The following CALN1 variants were observed in gnomAD, a reference collection of about 807,000 sequenced individuals.
CALN1 encodes calcium-binding protein 8.
A neutral mutation model predicts 30.6 loss-of-function variants in CALN1; 17 were observed. The observed-to-expected ratio is 0.56, with a 90% CI of 0.38 to 0.83. The LOEUF is 0.83. Among genes scored for constraint, CALN1 ranks in the 40% least tolerant of loss-of-function variants. CALN1 has a pLI of 0.00. For synonymous variants in CALN1, 156 were observed against 131.4 expected, an observed-to-expected ratio of 1.19 and a Z score of -1.28; for missense variants, 291 against 354.9, an observed-to-expected ratio of 0.82 and a Z score of 1.45.
intron 5 of CALN1, among the ~76,000 whole-genome samples, chr7:71,994,424 A>G (rs1331825286): frequency 6.6e-6 from 1 of 150,906 alleles, no homozygotes; most frequent in Non-Finnish European, 1.5e-5. Flanking sequence ...AGGCAGGAGA[A>G]TCATTTGAAC....
chr7:71,950,940 C>T (rs1307160564), intron 5 of CALN1, among the ~76,000 whole-genome samples: 2 of 152,220 alleles, frequency 1.3e-5, no homozygotes, highest in Non-Finnish European at 2.9e-5. Context: ...CTAGCCATTT[C>T]ACCCTCTCTG....
At chr7:72,337,624 A>C (rs1802157709) in intron 2 of CALN1, 1 of 152,832 alleles carries the variant, frequency 6.5e-6, no homozygotes. Flanking sequence ...CCAGGTGCCC[A>C]CACCCTAGAT....
At chr7:71,880,128 T>C (rs1287379947) in intron 5 of CALN1, among the ~76,000 whole-genome samples, 1 of 152,112 alleles carries the variant, frequency 6.6e-6, no homozygotes, top group Non-Finnish European at 1.5e-5. Flanking sequence ...TGGAGCAGGA[T>C]ACTGTCTCAA....
At chr7:72,468,316 G>T in the CALN1 span, among the ~76,000 whole-genome samples, 464 of 151,938 alleles carry the variant, frequency 3.1e-3, 1 homozygote, top group African/African-American at 0.011. Flanking sequence ...GCTTTTTTTT[G>T]TTTTGTTTTG....
intron 4 of CALN1, among the ~76,000 whole-genome samples, chr7:72,052,319 A>G (rs1389838062): frequency 6.6e-6 from 1 of 152,092 alleles, no homozygotes; most frequent in African/African-American, 2.4e-5. Flanking sequence ...TCGCCTCCGG[A>G]GTGGACACCG....
At chr7:72,386,975 A>G (rs919724891) in intron 2 of CALN1, among the ~76,000 whole-genome samples, 2 of 151,672 alleles carry the variant, frequency 1.3e-5, no homozygotes, top group Admixed American at 6.6e-5. Flanking sequence ...GGACCTAGAA[A>G]TAACAATGCC....
intron 3 of CALN1, among the ~76,000 whole-genome samples, chr7:72,209,402 TTCCTTCCC>T (rs1427281504): frequency 1.9e-5 from 1 of 51,666 alleles, no homozygotes; most frequent in African/African-American, 1.2e-4. Context: ...CCTTCCCTCT[TTCCTTCCC>T]TCCTTCCCTC....
At chr7:71,809,854 G>A (rs1050925314) in intron 6 of CALN1, among the ~76,000 whole-genome samples, 6 of 150,572 alleles carry the variant, frequency 4.0e-5, no homozygotes, top group African/African-American at 1.2e-4. Context: ...CAGTGCATTT[G>A]GGAACATAGA....
At chr7:72,485,240 G>C in the CALN1 span, among the ~76,000 whole-genome samples, 1 of 152,098 alleles carries the variant, frequency 6.6e-6, no homozygotes, top group South Asian at 2.1e-4. Flanking sequence ...GGGCAACAGA[G>C]CAAGACTCTT....
chr7:72,064,295 A>T (rs1803871869), intron 4 of CALN1, among the ~76,000 whole-genome samples: 1 of 142,994 alleles, frequency 7.0e-6, no homozygotes, highest in Non-Finnish European at 1.5e-5. Flanking sequence ...AAAAAAAAAA[A>T]TAATTAATTA....
chr7:72,241,876 C>T (rs918779472), intron 3 of CALN1, among the ~76,000 whole-genome samples: 1 of 151,680 alleles, frequency 6.6e-6, no homozygotes, highest in African/African-American at 2.4e-5. Flanking sequence ...TAAAATCCCT[C>T]TCTCTCTCTT....
intron 4 of CALN1, among the ~76,000 whole-genome samples, chr7:72,096,529 G>A (rs943424675): frequency 9.3e-5 from 14 of 149,914 alleles, no homozygotes; most frequent in Admixed American, 2.0e-4. Context: ...GCTCATGGCC[G>A]GGCATGATGG....
chr7:71,804,254 A>C (rs550980371), intron 6 of CALN1, among the ~76,000 whole-genome samples: 72 of 152,294 alleles, frequency 4.7e-4, no homozygotes, highest in Non-Finnish European at 7.6e-4. Context: ...CACACCTGTA[A>C]TCTCAGTCCT....
At chr7:72,054,210 G>C (rs908002056) in intron 4 of CALN1, among the ~76,000 whole-genome samples, 6 of 151,818 alleles carry the variant, frequency 4.0e-5, no homozygotes, top group African/African-American at 1.5e-4. Flanking sequence ...GTTCTTTAAG[G>C]AATCTCCACA....
intron 5 of CALN1, among the ~76,000 whole-genome samples, chr7:71,923,812 G>A (rs1795110170): frequency 6.6e-6 from 1 of 152,044 alleles, no homozygotes; most frequent in Admixed American, 6.6e-5. Flanking sequence ...CCCTCCCTGT[G>A]GCCCCCACTA....
chr7:72,411,719 C>T (rs1386262147), intron 1 of CALN1, among the ~76,000 whole-genome samples: 6 of 152,118 alleles, frequency 3.9e-5, no homozygotes, highest in Non-Finnish European at 1.5e-5. Context: ...AAGACACAGC[C>T]AATCACCAAA....
At chr7:72,247,274 A>G in intron 3 of CALN1, among the ~76,000 whole-genome samples, 2 of 88,732 alleles carry the variant, frequency 2.3e-5, no homozygotes, top group African/African-American at 4.3e-5. Context: ...TTTGAGATGG[A>G]GTCTCACTCT....
At chr7:72,048,079 A>G (rs576918936) in intron 4 of CALN1, among the ~76,000 whole-genome samples, 106 of 138,514 alleles carry the variant, frequency 7.7e-4, no homozygotes, top group African/African-American at 2.7e-3. Flanking sequence ...TTGCTCAGTC[A>G]CCCAGGCTGG....
chr7:71,950,999 CGTTTT>C (rs1268541982), intron 5 of CALN1, among the ~76,000 whole-genome samples: 1 of 152,204 alleles, frequency 6.6e-6, no homozygotes, highest in Non-Finnish European at 1.5e-5. Flanking sequence ...CGTCTATCCC[CGTTTT>C]ATTTCTACCA....
Sources: gnomAD v4.1 joint callset for allele counts (sites outside exome capture counted in the v4.1 genomes callset) on GRCh38, gnomAD v4.1.1 for gene constraint, MANE v1.5 for transcripts, NCBI Gene and HGNC (gene_info 2026-07-23, HGNC 2026-07-21) for gene names.